Variants in TRPM3 observed in about 807,000 individuals in gnomAD.
The protein encoded by TRPM3 is transient receptor potential cation channel subfamily M member 3, also known as long transient receptor potential channel 3.
Under a neutral mutation model 181.2 loss-of-function variants are expected in TRPM3, and 77 were observed. The observed-to-expected ratio is 0.42, with a 90% CI of 0.35 to 0.51. The LOEUF is 0.51. Among genes scored for constraint, TRPM3 ranks in the 20% least tolerant of loss-of-function variants. The pLI is 0.01. For missense variants in TRPM3, 1,759 were observed against 2,196.7 expected, an observed-to-expected ratio of 0.80 and a Z score of 3.98; for synonymous variants, 745 against 796.4, an observed-to-expected ratio of 0.94 and a Z score of 1.09.
chr9:70,852,153 A>G (rs1202885069), intron 3 of TRPM3, among the ~76,000 whole-genome samples: 1 of 147,450 alleles, frequency 6.8e-6, no homozygotes, highest in South Asian at 2.1e-4. Flanking sequence ...AAAAAAAAAA[A>G]AAGAGAGAAA....
intron 1 of TRPM3, among the ~76,000 whole-genome samples, chr9:71,350,421 C>T (rs2091555743): frequency 6.6e-6 from 1 of 152,168 alleles, no homozygotes; most frequent in South Asian, 2.1e-4. Flanking sequence ...AGATTCTAAA[C>T]TGCAAAAAAA....
chr9:71,050,890 G>A (rs1039551478), intron 1 of TRPM3, among the ~76,000 whole-genome samples: 1 of 150,728 alleles, frequency 6.6e-6, no homozygotes, highest in Non-Finnish European at 1.5e-5. Context: ...TACAGTGAGG[G>A]CACCTGATTA....
intron 22 of TRPM3, among the ~76,000 whole-genome samples, chr9:70,573,243 T>C (rs2052941354): frequency 6.6e-6 from 1 of 152,186 alleles, no homozygotes; most frequent in South Asian, 2.1e-4. Flanking sequence ...TGAGGAACAT[T>C]GTCTTTGGTG....
chr9:71,068,774 T>C (rs2062290472), intron 1 of TRPM3, among the ~76,000 whole-genome samples: 1 of 152,226 alleles, frequency 6.6e-6, no homozygotes, highest in African/African-American at 2.4e-5. Context: ...CATCAAATGA[T>C]TCTCATGTGT....
At chr9:70,808,181 T>G (rs1231841769) in intron 6 of TRPM3, among the ~76,000 whole-genome samples, 2 of 152,316 alleles carry the variant, frequency 1.3e-5, no homozygotes, top group Non-Finnish European at 2.9e-5. Context: ...GCTAGGAACC[T>G]ATTGTATCTG....
intron 1 of TRPM3, among the ~76,000 whole-genome samples, chr9:71,014,807 A>C (rs2097771442): frequency 6.6e-6 from 1 of 151,996 alleles, no homozygotes; most frequent in Admixed American, 6.6e-5. Context: ...TTCCTCTATA[A>C]TTTGTGAGTT....
chr9:70,656,372 T>C lies in TRPM3; in HGVS notation c.1346-15712A>G, dbSNP rs570330027. ...GTAAGATTACCATAACTTCTAATCT[T>C]GTGGCTTTAGGCGGTCTAGTCCACA... On this transcript the variant is annotated intron_variant, in intron 9 of 25. Coordinates refer to ENST00000677713, the MANE Select transcript of TRPM3 (RefSeq NM_001366145.2). Among the ~76,000 whole-genome samples, 4 of 152,362 alleles carry C rather than the reference T, an allele frequency of 2.6e-5. No homozygotes were observed. In the East Asian group the frequency reaches 7.7e-4, roughly 29 times the overall value.
chr9:71,151,597 T>G (rs1426853090), intron 1 of TRPM3, among the ~76,000 whole-genome samples: 1 of 152,094 alleles, frequency 6.6e-6, no homozygotes, highest in Non-Finnish European at 1.5e-5. Context: ...GCAATTTTAC[T>G]GCTAGGAATT....
upstream of TRPM3, chr9:71,446,932 G>A: frequency 8.0e-7 from 1 of 1,256,260 alleles, no homozygotes. Context: ...CGCGGCTCTC[G>A]GTTGGCGCTG....
chr9:70,697,740 A>C (rs1019329421), intron 8 of TRPM3, among the ~76,000 whole-genome samples: 13 of 151,788 alleles, frequency 8.6e-5, no homozygotes, highest in African/African-American at 2.4e-4. Context: ...AAGTTTCAAG[A>C]AGAGTAATTA....
chr9:71,088,198 A>T (rs2065616857), intron 1 of TRPM3, among the ~76,000 whole-genome samples: 1 of 152,152 alleles, frequency 6.6e-6, no homozygotes, highest in Non-Finnish European at 1.5e-5. Flanking sequence ...ACTGAGAGAC[A>T]GAAGTATTTA....
intron 5 of TRPM3, 155 bp downstream of exon 5, chr9:70,842,848 A>G (rs1411819056): frequency 7.1e-6 from 5 of 703,264 alleles, no homozygotes; most frequent in African/African-American, 3.7e-5. Context: ...GAAAATAAAT[A>G]TTTTCCCAAG....
At chr9:70,875,792 T>C (rs1343555229) in intron 1 of TRPM3, among the ~76,000 whole-genome samples, 1 of 151,894 alleles carries the variant, frequency 6.6e-6, no homozygotes, top group Admixed American at 6.6e-5. Flanking sequence ...TGATAACAAA[T>C]CAATCCCATT....
At chr9:71,255,468 A>T (rs1348269231) in intron 1 of TRPM3, among the ~76,000 whole-genome samples, 3 of 152,162 alleles carry the variant, frequency 2.0e-5, no homozygotes, top group Non-Finnish European at 4.4e-5. Context: ...CGCCATAATC[A>T]GTTCCTTCAT....
At chr9:71,236,063 A>G (rs1424221252) in intron 1 of TRPM3, among the ~76,000 whole-genome samples, 1 of 152,202 alleles carries the variant, frequency 6.6e-6, no homozygotes, top group Non-Finnish European at 1.5e-5. Flanking sequence ...ACAATTTTCT[A>G]TGGTCTACCA....
At chr9:71,315,456 C>A (rs551636719) in intron 1 of TRPM3, among the ~76,000 whole-genome samples, 1 of 152,060 alleles carries the variant, frequency 6.6e-6, no homozygotes, top group African/African-American at 2.4e-5. Flanking sequence ...TCCCATGACA[C>A]GAACTTATCT....
At chr9:71,193,163 T>A (rs1204704518) in intron 1 of TRPM3, among the ~76,000 whole-genome samples, 1 of 151,786 alleles carries the variant, frequency 6.6e-6, no homozygotes, top group Non-Finnish European at 1.5e-5. Flanking sequence ...TCAAAAGTCT[T>A]TCCTTCATCC....
intron 1 of TRPM3, among the ~76,000 whole-genome samples, chr9:70,932,381 C>T (rs2133427107): frequency 6.6e-6 from 1 of 152,052 alleles, no homozygotes; most frequent in Admixed American, 6.6e-5. Flanking sequence ...GTTTTATCTT[C>T]TAGGCACTGT....
chr9:70,994,509 C>CTT (rs34686338), intron 1 of TRPM3, among the ~76,000 whole-genome samples: 27 of 150,210 alleles, frequency 1.8e-4, no homozygotes, highest in South Asian at 4.2e-4. Flanking sequence ...ATTTAATTCA[C>CTT]TTTTTTTTTT....
Sources: gnomAD v4.1 joint callset for allele counts (sites outside exome capture counted in the v4.1 genomes callset) on GRCh38, gnomAD v4.1.1 for gene constraint, MANE v1.5 for transcripts, NCBI Gene and HGNC (gene_info 2026-07-23, HGNC 2026-07-21) for gene names.